The following SNX29 variants were observed in gnomAD, a reference collection of about 807,000 sequenced individuals.
SNX29 encodes sorting nexin 29, also known as sorting nexin-29.
A neutral mutation model predicts 102.1 loss-of-function variants in SNX29; 78 were observed. The ratio of observed to expected loss-of-function variants is 0.76; its 90% CI spans 0.64 to 0.92. The LOEUF is 0.92. Ranked by LOEUF, SNX29 falls within the 40% of genes least tolerant of loss-of-function variation. The pLI is 0.00. For missense variants in SNX29, 1,280 were observed against 1,061.7 expected (o/e 1.21, Z -2.86); for synonymous variants, 580 against 414.5 (o/e 1.40, Z -4.85).
intron 20 of SNX29, among the ~76,000 whole-genome samples, chr16:12,566,572 C>G (rs541150961): frequency 3.3e-5 from 5 of 152,310 alleles, no homozygotes; most frequent in Admixed American, 6.5e-5. Context: ...TTTAAACTGA[C>G]TTTTACATCC....
chr16:12,108,211 G>A (rs1370989068), intron 11 of SNX29, among the ~76,000 whole-genome samples: 7 of 152,220 alleles, frequency 4.6e-5, no homozygotes, highest in African/African-American at 1.7e-4. Flanking sequence ...AGCCTTGTCT[G>A]GCATTCTTTG....
chr16:12,318,646 G>GCGCT (rs1265906284), intron 15 of SNX29, among the ~76,000 whole-genome samples: 3 of 152,182 alleles, frequency 2.0e-5, no homozygotes, highest in Non-Finnish European at 4.4e-5. Flanking sequence ...ACCGAGGGTT[G>GCGCT]CGCTGCTTGT....
intron 11 of SNX29, among the ~76,000 whole-genome samples, chr16:12,101,396 T>A (rs939903941): frequency 3.3e-5 from 5 of 151,580 alleles, no homozygotes; most frequent in African/African-American, 1.2e-4. Context: ...ATTTTTTTTT[T>A]TTTTTGAGAC....
intron 15 of SNX29, among the ~76,000 whole-genome samples, chr16:12,312,231 A>G (rs1472852591): frequency 1.3e-5 from 2 of 152,172 alleles, no homozygotes; most frequent in African/African-American, 2.4e-5. Context: ...TGAATGAATG[A>G]ATGTCCCCAT....
chr16:12,020,160 T>C (rs1186686462), intron 3 of SNX29, among the ~76,000 whole-genome samples: 2 of 152,018 alleles, frequency 1.3e-5, no homozygotes, highest in African/African-American at 4.8e-5. Context: ...TCTTGTTCTG[T>C]CACCCATGCT....
chr16:12,310,636 G>T (rs2080508504), intron 15 of SNX29, among the ~76,000 whole-genome samples: 8 of 152,242 alleles, frequency 5.3e-5, no homozygotes, highest in Admixed American at 5.2e-4. Context: ...GCGACGGGAT[G>T]GGAGGGTGGC....
chr16:12,536,739 A>C (rs111291208), intron 20 of SNX29, among the ~76,000 whole-genome samples: 6,203 of 152,232 alleles, frequency 0.041, 278 homozygotes, highest in East Asian at 0.18. Context: ...ACACTTTGGG[A>C]GGTCAAGGCA....
intron 20 of SNX29, among the ~76,000 whole-genome samples, chr16:12,542,634 G>A (rs373190754): frequency 7.1e-4 from 108 of 152,298 alleles, no homozygotes; most frequent in African/African-American, 2.3e-3. Flanking sequence ...ACCCAGTGTG[G>A]GTCTAACACT....
chr16:12,493,483 A>G (rs2088654649), intron 19 of SNX29, among the ~76,000 whole-genome samples: 1 of 152,248 alleles, frequency 6.6e-6, no homozygotes, highest in Non-Finnish European at 1.5e-5. Flanking sequence ...ATCTGCAAAC[A>G]GGGACAATTT....
chr16:12,111,610 G>A (rs1238718292), intron 11 of SNX29, among the ~76,000 whole-genome samples: 1 of 152,230 alleles, frequency 6.6e-6, no homozygotes, highest in Non-Finnish European at 1.5e-5. Flanking sequence ...ATGGCAGGCA[G>A]CAAGGAGAAT....
chr16:12,546,528 G>T (rs1169750196), intron 20 of SNX29: 1 of 152,148 alleles, frequency 6.6e-6, no homozygotes, highest in East Asian at 1.9e-4. Flanking sequence ...ATCTCCCAAT[G>T]GGTCCCTCCC....
rs2049936840 is a variant in SNX29 at position 12,042,806 on chromosome 16, T to C, written c.248-91T>C. On this transcript the variant is annotated intron_variant, in intron 4 of 20. Coordinates refer to ENST00000566228, the MANE Select transcript of SNX29 (RefSeq NM_032167.5). ...ATGCTAAGGGGATACTCTGTTACAA[T>C]CTCCAACTTCGCCTAGAGGCTTTGT... is the stretch of plus-strand genomic sequence containing the variant. 3 of 1,342,938 alleles carry C rather than the reference T, an allele frequency of 2.2e-6. No homozygotes were observed. The Admixed American group carries it at 6.8e-5, about 30-fold the overall frequency. 83.2% of individuals were successfully genotyped at this position (1,342,938 alleles called of 1,614,324 possible). A position where few individuals can be genotyped will look rare whatever the true frequency, so the allele number is the denominator to read the frequency against.
chr16:12,273,521 G>T (rs2079154711), intron 14 of SNX29, among the ~76,000 whole-genome samples: 1 of 151,846 alleles, frequency 6.6e-6, no homozygotes. Flanking sequence ...ACCATGCCCG[G>T]CTAATTTTTG....
intron 20 of SNX29, chr16:12,546,795 C>T (rs1474373886): frequency 3.3e-5 from 5 of 151,904 alleles, no homozygotes; most frequent in East Asian, 1.9e-4. Flanking sequence ...ATTTTAAATA[C>T]AGACAATTAG....
intron 20 of SNX29, among the ~76,000 whole-genome samples, chr16:12,551,913 C>G (rs1370012169): frequency 1.3e-5 from 2 of 152,170 alleles, no homozygotes; most frequent in South Asian, 4.1e-4. Context: ...TCTCTATACC[C>G]TACCACACAG....
chr16:12,476,413 CATATATATATATATATATATATATAT>C (rs61390803), intron 18 of SNX29, among the ~76,000 whole-genome samples: 6 of 19,526 alleles, frequency 3.1e-4, no homozygotes, highest in Non-Finnish European at 3.8e-4. Context: ...TATATATATA[CATATATATATATATATATATATATAT>C]ATATGATGAG....
intron 11 of SNX29, among the ~76,000 whole-genome samples, chr16:12,115,190 C>T (rs1375197084): frequency 6.6e-6 from 1 of 152,094 alleles, no homozygotes; most frequent in Non-Finnish European, 1.5e-5. Context: ...CTTTTTCCTT[C>T]AGCCCCCCTC....
chr16:12,120,168 G>A (rs1333151557), intron 11 of SNX29, among the ~76,000 whole-genome samples: 1 of 152,312 alleles, frequency 6.6e-6, no homozygotes, highest in African/African-American at 2.4e-5. Flanking sequence ...AGGAAAGGGA[G>A]TGGGTAGGCA....
At chr16:12,259,445 T>G (rs1486781477) in intron 14 of SNX29, among the ~76,000 whole-genome samples, 1 of 152,004 alleles carries the variant, frequency 6.6e-6, no homozygotes, top group African/African-American at 2.4e-5. Context: ...TTCTGCTGGG[T>G]GAGGGGGATG....
Sources: gnomAD v4.1 joint callset for allele counts (sites outside exome capture counted in the v4.1 genomes callset) on GRCh38, gnomAD v4.1.1 for gene constraint, MANE v1.5 for transcripts, NCBI Gene and HGNC (gene_info 2026-07-23, HGNC 2026-07-21) for gene names.